Variants in RCBTB2 observed in about 807,000 individuals in gnomAD.
The protein encoded by RCBTB2 is RCC1 and BTB domain-containing protein 2.
A neutral mutation model predicts 65.4 loss-of-function variants in RCBTB2; 55 were observed. That is an observed-to-expected ratio of 0.84 (90% CI 0.68 to 1.05). RCBTB2 has a LOEUF of 1.05. Ranked by LOEUF, RCBTB2 falls within the 50% of genes least tolerant of loss-of-function variation. RCBTB2 has a pLI of 0.00. For missense variants in RCBTB2, 599 were observed against 680.1 expected, an observed-to-expected ratio of 0.88 and a Z score of 1.33; for synonymous variants, 220 against 255.2, an observed-to-expected ratio of 0.86 and a Z score of 1.31.
intron 7 of RCBTB2, 39 bp from the exon 8 acceptor site, chr13:48,512,213 T>G: frequency 6.4e-7 from 1 of 1,560,686 alleles, no homozygotes; most frequent in East Asian, 2.3e-5. Context: ...ACAGATTAAT[T>G]TATAAACTGT....
At position 48,490,040 on chromosome 13, in the gene RCBTB2, A is replaced by T. The variant is rs1477279788; in HGVS notation, c.*71T>A. On this transcript the variant is annotated 3_prime_UTR_variant, in exon 15 of 15. Coordinates refer to ENST00000344532, the MANE Select transcript of RCBTB2 (RefSeq NM_001268.4). Reference sequence around the variant, plus strand: ...TAGCTCATCATACATACTATTAATTAAAGAGAAGTGATTCATCTCTGGCTT... The same window carrying T: ...TAGCTCATCATACATACTATTAATTTAAGAGAAGTGATTCATCTCTGGCTT... 1.3e-6 allele frequency: 2 copies of T among 1,496,722 alleles called. No individual in the cohort carries two copies. The highest frequency in any genetic ancestry group is 2.3e-5 in the East Asian group (1 of 44,356). 92.7% of individuals were successfully genotyped at this position (1,496,722 alleles called of 1,614,324 possible). A position where few individuals can be genotyped will look rare whatever the true frequency, so the allele number is the denominator to read the frequency against.
chr13:48,493,588 T>TCC (rs1304287945), intron 14 of RCBTB2, among the ~76,000 whole-genome samples: 3 of 151,640 alleles, frequency 2.0e-5, no homozygotes, highest in African/African-American at 7.3e-5. Flanking sequence ...ATCAGCTACT[T>TCC]CCCTCCCCAC....
intron 14 of RCBTB2, among the ~76,000 whole-genome samples, chr13:48,493,315 A>ACACACACTCTCTCT (rs759504798): frequency 1.1e-3 from 85 of 75,078 alleles, no homozygotes; most frequent in Non-Finnish European, 1.4e-3. Flanking sequence ...ACACACACAC[A>ACACACACTCTCTCT]CTCTCTCTCT....
intron 1 of RCBTB2, among the ~76,000 whole-genome samples, chr13:48,530,196 G>A (rs974742535): frequency 2.6e-5 from 4 of 152,058 alleles, no homozygotes; most frequent in Admixed American, 1.3e-4. Flanking sequence ...CACCGCGCCC[G>A]GCCTGATTTG....
chr13:48,531,288 G>A (rs192243601), intron 1 of RCBTB2, among the ~76,000 whole-genome samples: 49 of 152,312 alleles, frequency 3.2e-4, no homozygotes, highest in Admixed American at 2.8e-3. Flanking sequence ...TATCTCTGGA[G>A]TAAGTTAGTT....
intron 4 of RCBTB2, among the ~76,000 whole-genome samples, chr13:48,519,537 G>C (rs1441545494): frequency 1.3e-5 from 2 of 152,092 alleles, no homozygotes; most frequent in Non-Finnish European, 2.9e-5. Flanking sequence ...CTGGCTACTG[G>C]GATTCCAATG....
At chr13:48,522,826 T>TTTC (rs1431516227) in intron 2 of RCBTB2, among the ~76,000 whole-genome samples, 5 of 152,214 alleles carry the variant, frequency 3.3e-5, no homozygotes, top group Admixed American at 2.6e-4. Flanking sequence ...TATCTGGTAT[T>TTTC]TTCTACAGTA....
chr13:48,491,436 G>T (rs902813904), intron 14 of RCBTB2, among the ~76,000 whole-genome samples: 1 of 152,120 alleles, frequency 6.6e-6, no homozygotes, highest in Non-Finnish European at 1.5e-5. Context: ...GATAAACAGG[G>T]AAAATTCACA....
chr13:48,509,486 C>T (rs980085091), intron 10 of RCBTB2, among the ~76,000 whole-genome samples: 2 of 152,156 alleles, frequency 1.3e-5, no homozygotes, highest in East Asian at 1.9e-4. Flanking sequence ...ACTGTCCCTT[C>T]TCTTCTGAGG....
chr13:48,515,140 T>C (rs1410190219), intron 6 of RCBTB2, 65 bp downstream of exon 6: 2 of 1,458,956 alleles, frequency 1.4e-6, no homozygotes, highest in Non-Finnish European at 1.9e-6. Flanking sequence ...TCTCAACCAA[T>C]TAAACAATGT....
chr13:48,527,710 T>G (rs139137222), intron 1 of RCBTB2, among the ~76,000 whole-genome samples: 270 of 152,312 alleles, frequency 1.8e-3, no homozygotes, highest in African/African-American at 6.1e-3. Context: ...TTCCTAATTG[T>G]ACGGTTCACT....
chr13:48,492,983 A>G (rs1381817498), intron 14 of RCBTB2, among the ~76,000 whole-genome samples: 1 of 152,016 alleles, frequency 6.6e-6, no homozygotes, highest in African/African-American at 2.4e-5. Context: ...ATTTCCCCCA[A>G]AATGTTGCTC....
intron 12 of RCBTB2, among the ~76,000 whole-genome samples, chr13:48,500,956 G>C (rs185622409): frequency 6.6e-6 from 1 of 152,262 alleles, no homozygotes; most frequent in South Asian, 2.1e-4. Flanking sequence ...ACTGCAGTAG[G>C]ATTTAAATAT....
intron 10 of RCBTB2, among the ~76,000 whole-genome samples, chr13:48,506,854 T>G (rs1334521302): frequency 6.6e-6 from 1 of 152,248 alleles, no homozygotes; most frequent in Non-Finnish European, 1.5e-5. Context: ...TGGAATCATT[T>G]CTGTGTCCTT....
At chr13:48,535,457 T>C (rs1020352518), upstream of RCBTB2, among the ~76,000 whole-genome samples, 2 of 152,146 alleles carry the variant, frequency 1.3e-5, no homozygotes, top group Non-Finnish European at 2.9e-5. Context: ...GGTTTCGCCA[T>C]GTTGGCCAGA....
intron 4 of RCBTB2, among the ~76,000 whole-genome samples, chr13:48,518,472 A>ATATATATATAT (rs1555307423): frequency 2.6e-5 from 3 of 116,620 alleles, no homozygotes; most frequent in Admixed American, 8.5e-5. Context: ...AAAAAAAAAA[A>ATATATATATAT]ATATATATAT....
At chr13:48,491,083 G>A (rs1009214147) in intron 14 of RCBTB2, among the ~76,000 whole-genome samples, 2 of 152,164 alleles carry the variant, frequency 1.3e-5, no homozygotes, top group African/African-American at 4.8e-5. Context: ...ATGCTGCTAG[G>A]TGGTGGTCAA....
In RCBTB2 at chr13:48,522,405, T is replaced by TG; in HGVS notation, c.-119-3dup. On this transcript the variant is annotated splice_polypyrimidine_tract_variant and splice_region_variant and intron_variant, in intron 2 of 14. Transcript: ENST00000344532. ...CAGAAGAATATATGATTTGCTAAGC[T>TG]GGAAAAAAAAAAGGAGAAATGAATG... 1 of 1,220,878 alleles carries TG rather than the reference T, an allele frequency of 8.2e-7. No homozygotes were observed. The highest frequency in any genetic ancestry group is 1.1e-6 in the Non-Finnish European group (1 of 879,506). 75.6% of individuals were successfully genotyped at this position (1,220,878 alleles called of 1,614,324 possible).
intron 12 of RCBTB2, among the ~76,000 whole-genome samples, chr13:48,501,077 A>C (rs1305545051): frequency 2.0e-5 from 3 of 152,202 alleles, no homozygotes; most frequent in African/African-American, 7.2e-5. Context: ...AGAAAATGCT[A>C]ACTCAGCTAC....
Sources: gnomAD v4.1 joint callset for allele counts (sites outside exome capture counted in the v4.1 genomes callset) on GRCh38, gnomAD v4.1.1 for gene constraint, MANE v1.5 for transcripts, NCBI Gene and HGNC (gene_info 2026-07-23, HGNC 2026-07-21) for gene names.